Variants in SYCP3 observed in about 807,000 individuals in gnomAD.
SYCP3 encodes synaptonemal complex protein 3.
SYCP3 carries 29 observed loss-of-function variants against 38.5 expected under a neutral mutation model. The ratio of observed to expected loss-of-function variants is 0.75; its 90% CI spans 0.56 to 1.03. SYCP3 has a LOEUF of 1.03. SYCP3 is among the 50% of genes least tolerant of loss of function. The probability of loss-of-function intolerance (pLI) is 0.00; values close to 1 mark genes in which losing one functional copy is unlikely to be tolerated. For synonymous variants in SYCP3, 79 were observed against 80.3 expected (o/e 0.98, Z 0.08); for missense variants, 242 against 270.7 (o/e 0.89, Z 0.74).
rs780327213 is a variant in SYCP3, at chr12:101,733,611, A to C, written c.417T>G (p.Asp139Glu). 6.2e-7 allele frequency: 1 copy of C among 1,612,712 alleles called. No homozygotes were observed. Among genetic ancestry groups the C allele is most frequent in the South Asian group, 1.1e-5 (1 of 91,088 alleles). The stretch of plus-strand genomic sequence containing the variant: ...CTTCTTGTTCCTCAGCTTTCTGCAT[A>C]TCTAAATCCCACTGCTGAAACAAAG... Reference protein sequence around the residue: ...FLTLFQQWDLDMQKAEEQEEK... With the variant: ...FLTLFQQWDLEMQKAEEQEEK... Residue 139 changes from aspartate (D) to glutamate (E), a missense_variant, in exon 6 of 9, where the codon GAT becomes GAG. Asp to Glu is a conservative substitution (Grantham distance 45, BLOSUM62 2). Coordinates refer to ENST00000392924, the MANE Select transcript of SYCP3 (RefSeq NM_001177949.2).
At chr12:101,739,022 C>T (rs1952598164) in intron 1 of SYCP3, among the ~76,000 whole-genome samples, 1 of 152,216 alleles carries the variant, frequency 6.6e-6, no homozygotes, top group South Asian at 2.1e-4. Flanking sequence ...CAGAAGATTT[C>T]GACAACAAAT....
intron 2 of SYCP3, 46 bp from the exon 3 acceptor site, chr12:101,737,344 A>G (rs762089598): frequency 4.6e-6 from 7 of 1,509,194 alleles, no homozygotes; most frequent in Middle Eastern, 3.7e-4. Flanking sequence ...TTGAAACTGA[A>G]TAGGTTATTT....
At chr12:101,737,138 A>C in intron 3 of SYCP3, 67 bp from the exon 4 acceptor site, 1 of 1,605,454 alleles carries the variant, frequency 6.2e-7, no homozygotes, top group Non-Finnish European at 8.5e-7. Context: ...TTTGGAAGAA[A>C]TACCAGATGC....
chr12:101,733,991 G>A (rs1952292401), intron 5 of SYCP3, among the ~76,000 whole-genome samples: 1 of 151,888 alleles, frequency 6.6e-6, no homozygotes, highest in East Asian at 1.9e-4. Flanking sequence ...TTTTCCTATT[G>A]AATATAGATT....
intron 1 of SYCP3, among the ~76,000 whole-genome samples, chr12:101,738,216 G>A (rs1166471426): frequency 1.3e-5 from 2 of 151,818 alleles, no homozygotes; most frequent in Non-Finnish European, 2.9e-5. Flanking sequence ...CTGAGGTCAG[G>A]AGTTCAAGAC....
intron 4 of SYCP3, among the ~76,000 whole-genome samples, chr12:101,735,871 A>ATATATATATTTATATTTTTTTTTTT: frequency 1.3e-5 from 1 of 74,790 alleles, no homozygotes; most frequent in Non-Finnish European, 2.5e-5. Context: ...ATATATATAT[A>ATATATATATTTATATTTTTTTTTTT]TTTTTTTTTT....
In SYCP3 at chr12:101,736,720, G is replaced by C. The variant is rs550322332; in HGVS notation, c.235+317C>G. Among the ~76,000 whole-genome samples the C allele has an allele frequency of 2.8e-4, 43 of 151,892 alleles. No homozygotes were observed. The South Asian group carries it at 5.8e-3, about 21-fold the overall frequency. On this transcript the variant is annotated intron_variant, in intron 4 of 8. Coordinates refer to ENST00000392924, the MANE Select transcript of SYCP3 (RefSeq NM_001177949.2). The stretch of plus-strand genomic sequence containing the variant: ...TGTATGTATGTATATGTGTGTGTGT[G>C]TGTGTGTGTGTGTGTGTGTGTATCA...
At chr12:101,736,934 G>C in intron 4 of SYCP3, 103 bp downstream of exon 4, 1 of 1,033,418 alleles carries the variant, frequency 9.7e-7, no homozygotes, top group Non-Finnish European at 1.5e-6. Context: ...TGAGAACAAG[G>C]CATTAAATAA....
intron 4 of SYCP3, 101 bp from the exon 5 acceptor site, chr12:101,735,145 G>C (rs1038679177): frequency 2.8e-6 from 2 of 719,076 alleles, no homozygotes; most frequent in African/African-American, 3.6e-5. Flanking sequence ...AACAATATTG[G>C]AAAGACATTT....
Position 101,737,860 on chromosome 12 carries a change from C to CA in SYCP3, c.75dup (p.Asp26Ter). The CA allele has an allele frequency of 4.3e-6, 7 of 1,614,212 alleles. No individual in the cohort carries two copies. The highest frequency in any genetic ancestry group is 5.9e-6 in the Non-Finnish European group (7 of 1,180,044). On this transcript the variant is annotated frameshift_variant, in exon 2 of 9. Coordinates refer to ENST00000392924, the MANE Select transcript of SYCP3 (RefSeq NM_001177949.2). LOFTEE classifies it high-confidence loss of function. ...TCTTTCTTATCTTCAGTCTCAAAGTCATAGGCTCTCGTAAACTGATCTTCC... is the reference window on the plus strand; with the variant it reads ...TCTTTCTTATCTTCAGTCTCAAAGTCAATAGGCTCTCGTAAACTGATCTTCC...
intron 6 of SYCP3, chr12:101,731,946 T>G (rs1952208798): frequency 3.6e-6 from 1 of 278,498 alleles, no homozygotes. Context: ...CTTCCAATAA[T>G]AATGGTTTTC....
At position 101,737,200 on chromosome 12, in the gene SYCP3, C is replaced by T. The variant is rs761766368; in HGVS notation, c.200+32G>A. The T allele has an allele frequency of 2.5e-6, 4 of 1,610,326 alleles. No homozygotes were observed. In the South Asian group the frequency reaches 4.4e-5, roughly 18 times the overall value. ...AGCAACTTTTCTTGAAGTGCTTTATCTAAGAAACAAAAATTATTTTGAACA... is the reference window on the plus strand; with the variant it reads ...AGCAACTTTTCTTGAAGTGCTTTATTTAAGAAACAAAAATTATTTTGAACA... On this transcript the variant is annotated intron_variant, in intron 3 of 8. Coordinates refer to ENST00000392924, the MANE Select transcript of SYCP3 (RefSeq NM_001177949.2).
chr12:101,733,509 T>C (rs2137059606), intron 6 of SYCP3, 66 bp downstream of exon 6: 1 of 1,424,914 alleles, frequency 7.0e-7, no homozygotes, highest in East Asian at 2.3e-5. Context: ...CTGGTCACAA[T>C]AAAAGGCTAG....
At chr12:101,730,065 CAG>C (rs200884423) in intron 7 of SYCP3, among the ~76,000 whole-genome samples, 1 of 151,954 alleles carries the variant, frequency 6.6e-6, no homozygotes, top group East Asian at 1.9e-4. Context: ...GAATTTAGAA[CAG>C]GAGGCTACTG....
chr12:101,733,922 G>T (rs1313793154), intron 5 of SYCP3, among the ~76,000 whole-genome samples: 1 of 152,072 alleles, frequency 6.6e-6, no homozygotes, highest in African/African-American at 2.4e-5. Context: ...AAGTTTTATT[G>T]TATATATAAA....
At chr12:101,739,165 GCCCCA>G in intron 1 of SYCP3, 181 bp downstream of exon 1, 1 of 747,084 alleles carries the variant, frequency 1.3e-6, no homozygotes, top group Non-Finnish European at 1.6e-6. Flanking sequence ...ATGGGGCCCA[GCCCCA>G]GCCCAGCCCG....
intron 6 of SYCP3, chr12:101,732,686 A>G (rs962213034): frequency 6.7e-6 from 1 of 149,014 alleles, no homozygotes; most frequent in Non-Finnish European, 1.5e-5. Context: ...TTTTTTTTCA[A>G]GAAAGGGTCT....
chr12:101,731,893 C>A (rs1952206451), intron 6 of SYCP3: 1 of 374,030 alleles, frequency 2.7e-6, no homozygotes, highest in Non-Finnish European at 4.8e-6. Context: ...ATAATCAAGT[C>A]ATGTCTTAAT....
intron 5 of SYCP3, 71 bp downstream of exon 5, chr12:101,734,856 T>C (rs1420158053): frequency 2.8e-6 from 3 of 1,075,966 alleles, no homozygotes; most frequent in Non-Finnish European, 4.3e-6. Context: ...CCTAGAATAG[T>C]ATTTTTCATA....
Sources: gnomAD v4.1 joint callset for allele counts (sites outside exome capture counted in the v4.1 genomes callset) on GRCh38, gnomAD v4.1.1 for gene constraint, MANE v1.5 for transcripts, NCBI Gene and HGNC (gene_info 2026-07-23, HGNC 2026-07-21) for gene names.